CELSR3: variants seen among roughly 807,000 people sequenced by gnomAD.
CELSR3 encodes the protein EGF-like protein 1.
In CELSR3, 73 loss-of-function variants were observed where a neutral mutation model predicts 270.0. The ratio of observed to expected loss-of-function variants is 0.27; its 90% CI spans 0.22 to 0.33. CELSR3 has a LOEUF of 0.33. Among genes scored for constraint, CELSR3 ranks in the 10% least tolerant of loss-of-function variants. CELSR3 has a pLI of 1.00. For synonymous variants in CELSR3, 1,780 were observed against 1,905.4 expected (o/e 0.93, Z 1.71); for missense variants, 3,614 against 4,533.8 (o/e 0.80, Z 5.83).
Position 48,660,684 on chromosome 3 carries a change from A to C in CELSR3, c.1951T>G (p.Phe651Val). ...VVDINDHIPIFVSTPFQVSVL... is the reference protein window; with the variant it reads ...VVDINDHIPIVVSTPFQVSVL... ...GAAACTTGGAAGGGCGTGCTGACAA[A>C]AATAGGAATGTGGTCATTGATGTCC... Residue 651 changes from phenylalanine (F) to valine (V), a missense_variant, in exon 1 of 35, where the codon TTT becomes GTT. Phe to Val is a conservative substitution (Grantham distance 50). Coordinates refer to ENST00000164024, the MANE Select transcript of CELSR3 (RefSeq NM_001407.3). This position sits in a 1 kb window ranked among gnomAD's most constrained non-coding sequence, Gnocchi z 5.5. 6.2e-7 allele frequency: 1 copy of C among 1,614,048 alleles called. No individual in the cohort carries two copies. The highest frequency in any genetic ancestry group is 1.1e-5 in the South Asian group (1 of 91,084).
chr3:48,650,474 A>T lies in CELSR3; in HGVS notation c.6472+6T>A. Reference sequence around the variant, plus strand: ...TCAGTGATGTCCTTTCCCCCCACATACTCACCCAGGGCCCCCCGGGGACAG... The same window carrying T: ...TCAGTGATGTCCTTTCCCCCCACATTCTCACCCAGGGCCCCCCGGGGACAG... On this transcript the variant is annotated splice_donor_region_variant and intron_variant, in intron 16 of 34. Coordinates refer to ENST00000164024, the MANE Select transcript of CELSR3 (RefSeq NM_001407.3). The surrounding 1 kb of genome is among the most constrained non-coding windows in gnomAD (Gnocchi z 5.1). 7.9e-7 allele frequency: 1 copy of T among 1,271,756 alleles called. No homozygotes were observed. The highest frequency in any genetic ancestry group is 1.1e-6 in the Non-Finnish European group (1 of 935,686). 78.8% of individuals were successfully genotyped at this position (1,271,756 alleles called of 1,614,324 possible). A position where few individuals can be genotyped will look rare whatever the true frequency, so the allele number is the denominator to read the frequency against.
In CELSR3 at chr3:48,654,630, G is replaced by A. The variant is rs2047164855; in HGVS notation, c.4989-178C>T. Among the ~76,000 whole-genome samples, 1 of 152,162 alleles carries A rather than the reference G, an allele frequency of 6.6e-6. No individual in the cohort carries two copies. Among genetic ancestry groups the A allele is most frequent in the African/African-American group, 2.4e-5 (1 of 41,412 alleles). On this transcript the variant is annotated intron_variant, in intron 6 of 34. Coordinates refer to ENST00000164024, the MANE Select transcript of CELSR3 (RefSeq NM_001407.3). The surrounding 1 kb of genome is among the most constrained non-coding windows in gnomAD (Gnocchi z 5.4). ...TCAGTTGGGGTGCAAAGGGGCACCC[G>A]TGATGGGCCGATGGTCTGGGGAAAG...
rs536107849 is a variant in CELSR3, at chr3:48,652,330, C to T, written c.5751+107G>A. 4.2e-6 allele frequency: 4 copies of T among 957,922 alleles called. No homozygotes were observed. The highest frequency in any genetic ancestry group is 3.2e-5 in the African/African-American group (2 of 62,636). The allele number at this position is 957,922 out of a possible 1,614,324, so 59.3% of individuals were successfully genotyped here. A position where few individuals can be genotyped will look rare whatever the true frequency, so the allele number is the denominator to read the frequency against. ...GCTCTCAACTCTGGGTCATTCACCC[C>T]CTCGCACCAACCCCCACTTGAATAC... On this transcript the variant is annotated intron_variant, in intron 11 of 34. Coordinates refer to ENST00000164024, the MANE Select transcript of CELSR3 (RefSeq NM_001407.3). This position sits in a 1 kb window ranked among gnomAD's most constrained non-coding sequence, Gnocchi z 4.3.
At position 48,645,105 on chromosome 3, in the gene CELSR3, T is replaced by C. The variant is rs768268824; in HGVS notation, c.7902A>G (p.Pro2634=). The change falls in exon 25 of 35, where the codon CCA becomes CCG. Residue 2634 remains proline (P), a synonymous_variant. Coordinates refer to ENST00000164024, the MANE Select transcript of CELSR3 (RefSeq NM_001407.3). The surrounding 1 kb of genome is among the most constrained non-coding windows in gnomAD (Gnocchi z 5.4). ...GLHLYRMQVE[P]RNVDRGAMRF... ...GCATGGCGCCGCGGTCCACGTTGCG[T>C]GGCTCAACCTGCATGCGGTAGAGGT... The C allele has an allele frequency of 6.9e-6, 11 of 1,604,704 alleles. No homozygotes were observed. Among genetic ancestry groups the C allele is most frequent in the East Asian group, 2.2e-5 (1 of 44,568 alleles).
In CELSR3 at chr3:48,640,754, AGT is replaced by A. The variant is rs1299249891; in HGVS notation, c.9026-197_9026-196del. The A allele has an allele frequency of 9.5e-5, 38 of 399,658 alleles. 1 individual carries two copies. The South Asian group carries it at 1.1e-3, about 11-fold the overall frequency. 24.8% of individuals were successfully genotyped at this position (399,658 alleles called of 1,614,324 possible). On this transcript the variant is annotated intron_variant, in intron 33 of 34. Transcript: ENST00000164024. This position sits in a 1 kb window ranked among gnomAD's most constrained non-coding sequence, Gnocchi z 7.5. Reference sequence around the variant, plus strand: ...AGGACAGGGGTCAGAGTGGAAGGGCAGTCATCTTCCAGTTGTGGTCCCGGGGC... The same window carrying A: ...AGGACAGGGGTCAGAGTGGAAGGGCACATCTTCCAGTTGTGGTCCCGGGGC...
Position 48,650,435 on chromosome 3 carries a change from G to GGGGGGC in CELSR3, c.6472+44_6472+45insGCCCCC. 1 of 1,213,558 alleles carries GGGGGGC rather than the reference G, an allele frequency of 8.2e-7. No homozygotes were observed. The allele number at this position is 1,213,558 out of a possible 1,614,324, so 75.2% of individuals were successfully genotyped here. On this transcript the variant is annotated intron_variant, in intron 16 of 34. Coordinates refer to ENST00000164024, the MANE Select transcript of CELSR3 (RefSeq NM_001407.3). The surrounding 1 kb of genome is among the most constrained non-coding windows in gnomAD (Gnocchi z 5.1). The stretch of plus-strand genomic sequence containing the variant: ...CATGGCTCTAGCAGTCAGAGTACAG[G>GGGGGGC]CCCACCCCCACCCTCAGTGATGTCC...
Position 48,636,885 on chromosome 3 carries a change from G to T in CELSR3, c.*1320C>A, listed in dbSNP as rs2046974532. The T allele has an allele frequency of 6.6e-6, 1 of 152,176 alleles. No homozygotes were observed. The highest frequency in any genetic ancestry group is 1.5e-5 in the Non-Finnish European group (1 of 68,048). The allele number at this position is 152,176 out of a possible 1,614,324, so 9.4% of individuals were successfully genotyped here. A position where few individuals can be genotyped will look rare whatever the true frequency, so the allele number is the denominator to read the frequency against. On this transcript the variant is annotated 3_prime_UTR_variant, in exon 35 of 35. Coordinates refer to ENST00000164024, the MANE Select transcript of CELSR3 (RefSeq NM_001407.3). ...AAACGGGACTCAAGGCTGACCTTCG[G>T]CCTGGGAGACCTGGGGGTTAGAAAA...
rs1441888892 is a variant in CELSR3, at chr3:48,644,936, AT to A, written c.7972+98del. 36 of 1,514,248 alleles carry A rather than the reference AT, an allele frequency of 2.4e-5. No individual in the cohort carries two copies. Among genetic ancestry groups the A allele is most frequent in the Non-Finnish European group, 3.0e-5 (33 of 1,105,082 alleles). The allele number at this position is 1,514,248 out of a possible 1,614,324, so 93.8% of individuals were successfully genotyped here. A position where few individuals can be genotyped will look rare whatever the true frequency, so the allele number is the denominator to read the frequency against. On this transcript the variant is annotated intron_variant, in intron 25 of 34. Transcript: ENST00000164024. This position sits in a 1 kb window ranked among gnomAD's most constrained non-coding sequence, Gnocchi z 4.8. ...GGCAGAGCAGCAACCCCATGAATAG[AT>A]GGCTTGGGGTTTGAGGTTGGGGGTC...
rs556489337 is a variant in CELSR3, at chr3:48,648,402, C to T, written c.6837G>A (p.Ala2279=). 33 of 1,607,636 alleles carry T rather than the reference C, an allele frequency of 2.1e-5. No individual in the cohort carries two copies. Among genetic ancestry groups the T allele is most frequent in the African/African-American group, 8.0e-5 (6 of 74,876 alleles). Residue 2279 remains alanine (A), a synonymous_variant, in exon 19 of 35, where the codon GCG becomes GCA. Transcript: ENST00000164024. Reference sequence around the variant, plus strand: ...AGCCCCCAGGGGCCCGCTGCCCCAGCGCCGCCCACAAGTCCCCTGTCTCTG... The same window carrying T: ...AGCCCCCAGGGGCCCGCTGCCCCAGTGCCGCCCACAAGTCCCCTGTCTCTG... ...LAPETGDLWA[A]LGQRAPGGSP... is the part of the protein sequence containing the mutation.
Position 48,645,842 on chromosome 3 carries a change from G to C in CELSR3, c.7490C>G (p.Ala2497Gly), listed in dbSNP as rs765766233. The part of the protein sequence containing the change: ...GLAEQHGVWT[A>G]RDCELVHRNG... ...CCTGTGCACCAGCTCGCAGTCCCGTGCTGTCCACACACCATGCTGCTCCGC... is the reference window on the plus strand; with the variant it reads ...CCTGTGCACCAGCTCGCAGTCCCGTCCTGTCCACACACCATGCTGCTCCGC... The change falls in exon 23 of 35, where the codon GCA (alanine) becomes GGA (glycine). Residue 2497 changes from alanine (A) to glycine (G), a missense_variant. Around this residue, in one of 7 missense-constraint regions of CELSR3, gnomAD observed 1,240 missense variants for 1,351.7 expected, o/e 0.92. Coordinates refer to ENST00000164024, the MANE Select transcript of CELSR3 (RefSeq NM_001407.3). The surrounding 1 kb of genome is among the most constrained non-coding windows in gnomAD (Gnocchi z 5.4). The C allele has an allele frequency of 2.5e-6, 4 of 1,608,780 alleles. No individual in the cohort carries two copies. The South Asian group carries it at 4.4e-5, about 18-fold the overall frequency.
rs1559479464 is a variant in CELSR3, at chr3:48,651,862, C to G, written c.5923+15G>C. On this transcript the variant is annotated intron_variant, in intron 12 of 34. Transcript: ENST00000164024. The surrounding 1 kb of genome is among the most constrained non-coding windows in gnomAD (Gnocchi z 7.4). ...CTGCCCAGGTCACCCTTCCCCCAAC[C>G]CTCTCAAGGCTCACCTGGCTGGCAG... 8 of 1,601,238 alleles carry G rather than the reference C, an allele frequency of 5.0e-6. No homozygotes were observed. The highest frequency in any genetic ancestry group is 6.8e-6 in the Non-Finnish European group (8 of 1,174,790).
rs1216185005 is a variant in CELSR3 at position 48,657,578 on chromosome 3, T to C, written c.3749-230A>G. 6.6e-6 allele frequency among the ~76,000 whole-genome samples: 1 copy of C among 152,134 alleles called. No homozygotes were observed. Among genetic ancestry groups the C allele is most frequent in the Non-Finnish European group, 1.5e-5 (1 of 68,024 alleles). On this transcript the variant is annotated intron_variant, in intron 1 of 34. Coordinates refer to ENST00000164024, the MANE Select transcript of CELSR3 (RefSeq NM_001407.3). This position sits in a 1 kb window ranked among gnomAD's most constrained non-coding sequence, Gnocchi z 5.4. ...CCAATCCCCAATACACGGAGGGGTCTGGGCCAAGGATCAAGCAACCCCACA... is the reference window on the plus strand; with the variant it reads ...CCAATCCCCAATACACGGAGGGGTCCGGGCCAAGGATCAAGCAACCCCACA...
In CELSR3 at chr3:48,655,968, G is replaced by T; in HGVS notation, c.4626-117C>A. ...GGCGAGAGAGGAAGCGACGAGGGAC[G>T]GCGGGACCGACCGGGGGGACGCGGG... is the stretch of plus-strand genomic sequence containing the variant. On this transcript the variant is annotated intron_variant, in intron 3 of 34. Transcript: ENST00000164024. The surrounding 1 kb of genome is among the most constrained non-coding windows in gnomAD (Gnocchi z 5.8). 1.8e-6 allele frequency: 2 copies of T among 1,142,392 alleles called. No homozygotes were observed. Among genetic ancestry groups the T allele is most frequent in the Non-Finnish European group, 2.5e-6 (2 of 790,348 alleles). 70.8% of individuals were successfully genotyped at this position (1,142,392 alleles called of 1,614,324 possible).
Position 48,652,628 on chromosome 3 carries a change from G to C in CELSR3, c.5635-75C>G. 10 of 1,212,218 alleles carry C rather than the reference G, an allele frequency of 8.2e-6. No individual in the cohort carries two copies. Among genetic ancestry groups the C allele is most frequent in the Non-Finnish European group, 1.2e-5 (10 of 860,922 alleles). The allele number at this position is 1,212,218 out of a possible 1,614,324, so 75.1% of individuals were successfully genotyped here. A position where few individuals can be genotyped will look rare whatever the true frequency, so the allele number is the denominator to read the frequency against. On this transcript the variant is annotated intron_variant, in intron 10 of 34. Transcript: ENST00000164024. The surrounding 1 kb of genome is among the most constrained non-coding windows in gnomAD (Gnocchi z 4.3). Reference sequence around the variant, plus strand: ...CCTGTCATAGCCCAGAGTCAGTCTTGGCCTTCTTCTAGCCCTTCTAGGCTG... The same window carrying C: ...CCTGTCATAGCCCAGAGTCAGTCTTCGCCTTCTTCTAGCCCTTCTAGGCTG...
At position 48,655,296 on chromosome 3, in the gene CELSR3, T is replaced by C. The variant is rs769096989; in HGVS notation, c.4830+10A>G. The C allele has an allele frequency of 9.9e-6, 16 of 1,614,084 alleles. No individual in the cohort carries two copies. The highest frequency in any genetic ancestry group is 1.3e-5 in the Non-Finnish European group (15 of 1,179,976). On this transcript the variant is annotated intron_variant, in intron 5 of 34. Coordinates refer to ENST00000164024, the MANE Select transcript of CELSR3 (RefSeq NM_001407.3). The surrounding 1 kb of genome is among the most constrained non-coding windows in gnomAD (Gnocchi z 5.8). ...CTCCCCTCATACCCGATGCCAGGGA[T>C]GGCCCCCACCTTGTTGTAGTATCTC...
At position 48,655,591 on chromosome 3, in the gene CELSR3, G is replaced by C. The variant is rs1416567921; in HGVS notation, c.4741+145C>G. 4.5e-6 allele frequency: 4 copies of C among 882,064 alleles called. No homozygotes were observed. The highest frequency in any genetic ancestry group is 7.3e-6 in the Non-Finnish European group (4 of 544,986). 54.6% of individuals were successfully genotyped at this position (882,064 alleles called of 1,614,324 possible). The stretch of plus-strand genomic sequence containing the variant: ...TCTTGGAGGGAGGGACCTTCCCACA[G>C]GGAATGGCCAAGGAGCTAGGTCTTC... On this transcript the variant is annotated intron_variant, in intron 4 of 34. Transcript: ENST00000164024. This position sits in a 1 kb window ranked among gnomAD's most constrained non-coding sequence, Gnocchi z 5.8.
In CELSR3 at chr3:48,638,154, G is replaced by C; in HGVS notation, c.*51C>G. 2.6e-6 allele frequency: 4 copies of C among 1,561,154 alleles called. No individual in the cohort carries two copies. The highest frequency in any genetic ancestry group is 3.5e-6 in the Non-Finnish European group (4 of 1,132,308). On this transcript the variant is annotated 3_prime_UTR_variant, in exon 35 of 35. Coordinates refer to ENST00000164024, the MANE Select transcript of CELSR3 (RefSeq NM_001407.3). ...CCCACTCCTGGAGTCTCTCCTGTTAGCCTAGATCCTCTGTCGCCCTCAGCT... is the reference window on the plus strand; with the variant it reads ...CCCACTCCTGGAGTCTCTCCTGTTACCCTAGATCCTCTGTCGCCCTCAGCT...
chr3:48,640,769 G>A lies in CELSR3; in HGVS notation c.9026-210C>T. On this transcript the variant is annotated intron_variant, in intron 33 of 34. Transcript: ENST00000164024. The surrounding 1 kb of genome is among the most constrained non-coding windows in gnomAD (Gnocchi z 7.5). ...GTGGAAGGGCAGTCATCTTCCAGTTGTGGTCCCGGGGCAGGGGGAGGGCGG... is the reference window on the plus strand; with the variant it reads ...GTGGAAGGGCAGTCATCTTCCAGTTATGGTCCCGGGGCAGGGGGAGGGCGG... The A allele has an allele frequency of 1.7e-6, 1 of 571,820 alleles. No homozygotes were observed. The highest frequency in any genetic ancestry group is 3.0e-6 in the Non-Finnish European group (1 of 328,894). The allele number at this position is 571,820 out of a possible 1,614,324, so 35.4% of individuals were successfully genotyped here.
chr3:48,646,139 T>C lies in CELSR3; in HGVS notation c.7414A>G (p.Thr2472Ala), dbSNP rs1485738638. ...CAGATCGCCTTGCTCCGATTCGCTG[T>C]CTGTAGCAGGCGAAACTCTAGGCTG... is the stretch of plus-strand genomic sequence containing the variant. ...PISLEFRLLQ[T>A]ANRSKAICVQ... is the part of the protein sequence containing the mutation. The change falls in exon 22 of 35, where the codon ACA (threonine) becomes GCA (alanine). Residue 2472 changes from threonine to alanine, a missense_variant. Physicochemically the swap from Thr to Ala is moderately conservative, Grantham distance 58. This residue lies in a region of CELSR3 where 1,240 missense variants were observed against 1,351.7 expected (regional missense o/e 0.92). Coordinates refer to ENST00000164024, the MANE Select transcript of CELSR3 (RefSeq NM_001407.3). The surrounding 1 kb of genome is among the most constrained non-coding windows in gnomAD (Gnocchi z 4.8). The C allele has an allele frequency of 6.2e-7, 1 of 1,612,894 alleles. No homozygotes were observed. Among genetic ancestry groups the C allele is most frequent in the South Asian group, 1.1e-5 (1 of 91,084 alleles).
Sources: gnomAD v4.1 joint callset for allele counts (sites outside exome capture counted in the v4.1 genomes callset) on GRCh38, gnomAD v4.1.1 for gene constraint, gnomAD v4.1.1 regional missense constraint, Gnocchi (gnomAD v3.1) non-coding constraint, MANE v1.5 for transcripts, NCBI Gene and HGNC (gene_info 2026-07-23, HGNC 2026-07-21) for gene names.